Variants in SLC35D4 observed in about 807,000 individuals in gnomAD.
SLC35D4 encodes the protein solute carrier family 35 member D4.
At chr18:23,312,903 G>A in the SLC35D4 span, among the ~76,000 whole-genome samples, 11 of 151,884 alleles carry the variant, frequency 7.2e-5, no homozygotes, top group Admixed American at 2.6e-4. Context: ...CAAGACGGGC[G>A]GATCACGAGG....
At chr18:23,371,544 A>C in the SLC35D4 span, 1 of 1,268,036 alleles carries the variant, frequency 7.9e-7, no homozygotes, top group Admixed American at 2.3e-5. Context: ...GGCCATCAGA[A>C]AACCTGTCAT....
At chr18:23,380,548 C>T in the SLC35D4 span, among the ~76,000 whole-genome samples, 6 of 152,202 alleles carry the variant, frequency 3.9e-5, no homozygotes, top group African/African-American at 1.4e-4. Flanking sequence ...CTGTGCCAGC[C>T]CGAGTGTACA....
At chr18:23,330,923 C>T in the SLC35D4 span, 1 of 152,214 alleles carries the variant, frequency 6.6e-6, no homozygotes, top group Non-Finnish European at 1.5e-5. Context: ...AGAGGAGAGC[C>T]ACCAACGTGA....
At chr18:23,386,451 C>T in the SLC35D4 span, among the ~76,000 whole-genome samples, 1 of 152,090 alleles carries the variant, frequency 6.6e-6, no homozygotes, top group Non-Finnish European at 1.5e-5. Context: ...ACAGATTATC[C>T]CCTAGAGGCT....
At chr18:23,288,554 C>T in the SLC35D4 span, among the ~76,000 whole-genome samples, 17 of 151,636 alleles carry the variant, frequency 1.1e-4, 1 homozygote, top group Middle Eastern at 3.4e-3. Context: ...AGGGATTTGC[C>T]CCCCCGCCCC....
chr18:23,287,862 A>G, the SLC35D4 span, among the ~76,000 whole-genome samples: 1 of 152,282 alleles, frequency 6.6e-6, no homozygotes, highest in Non-Finnish European at 1.5e-5. Context: ...TTTTTGTCCA[A>G]ACAACTTGAC....
At chr18:23,331,651 A>G in the SLC35D4 span, 1 of 153,112 alleles carries the variant, frequency 6.5e-6, no homozygotes, top group Admixed American at 6.6e-5. Flanking sequence ...ATTTATACCC[A>G]TTAGCACCCA....
At chr18:23,309,690 T>C in the SLC35D4 span, 1 of 1,614,014 alleles carries the variant, frequency 6.2e-7, no homozygotes, top group Admixed American at 1.7e-5. Flanking sequence ...CATCCCGTGG[T>C]TGCACTGGTC....
At chr18:23,430,271 G>T in the SLC35D4 span, among the ~76,000 whole-genome samples, 1 of 151,310 alleles carries the variant, frequency 6.6e-6, no homozygotes, top group Non-Finnish European at 1.5e-5. Context: ...ACAGTGTCTT[G>T]CTATGTTGCC....
At chr18:23,267,611 G>A in the SLC35D4 span, among the ~76,000 whole-genome samples, 5 of 152,200 alleles carry the variant, frequency 3.3e-5, no homozygotes, top group Admixed American at 2.0e-4. Flanking sequence ...CTGCACTGTC[G>A]GCCCTCAGCC....
the SLC35D4 span, among the ~76,000 whole-genome samples, chr18:23,266,406 C>CAAAAAAA: frequency 1.9e-5 from 2 of 103,732 alleles, no homozygotes; most frequent in Non-Finnish European, 2.1e-5. Context: ...TAATTCTTAG[C>CAAAAAAA]AAAAAAAAAA....
the SLC35D4 span, among the ~76,000 whole-genome samples, chr18:23,270,514 A>G: frequency 6.6e-6 from 1 of 152,222 alleles, no homozygotes; most frequent in Non-Finnish European, 1.5e-5. Flanking sequence ...ACCATCTTCC[A>G]GACCCCAGAA....
the SLC35D4 span, among the ~76,000 whole-genome samples, chr18:23,429,724 C>T: frequency 1.2e-4 from 18 of 152,084 alleles, no homozygotes; most frequent in African/African-American, 4.3e-4. Context: ...GAGGTGGTAT[C>T]TCATTGTGGT....
chr18:23,275,594 G>GTGCTGTGCTGTGCTA, the SLC35D4 span, among the ~76,000 whole-genome samples: 61 of 21,720 alleles, frequency 2.8e-3, no homozygotes, highest in African/African-American at 0.016. Context: ...GTCAGAAAGA[G>GTGCTGTGCTGTGCTA]TGCTGTGCTG....
the SLC35D4 span, chr18:23,421,405 G>A: frequency 3.1e-6 from 5 of 1,613,906 alleles, no homozygotes; most frequent in African/African-American, 5.3e-5. Flanking sequence ...CCAGTTTCCA[G>A]GACACATGAA....
the SLC35D4 span, among the ~76,000 whole-genome samples, chr18:23,241,516 G>A: frequency 2.6e-5 from 4 of 152,094 alleles, no homozygotes; most frequent in South Asian, 2.1e-4. Flanking sequence ...GGCGACAAGC[G>A]AAACTACGTC....
chr18:23,430,217 C>T, the SLC35D4 span, among the ~76,000 whole-genome samples: 5 of 147,562 alleles, frequency 3.4e-5, no homozygotes, highest in Admixed American at 2.1e-4. Context: ...TTTCATTTTT[C>T]TGCATATGGT....
At chr18:23,253,127 A>G in the SLC35D4 span, 1 of 928,060 alleles carries the variant, frequency 1.1e-6, no homozygotes. Context: ...CACACACCGT[A>G]AGCTTGTCAT....
At chr18:23,432,705 A>G in the SLC35D4 span, among the ~76,000 whole-genome samples, 6 of 150,952 alleles carry the variant, frequency 4.0e-5, no homozygotes, top group African/African-American at 1.5e-4. Flanking sequence ...AAAGAAAGAG[A>G]AGGAGCAATT....
Sources: allele counts gnomAD v4.1 joint callset (sites outside exome capture counted in the v4.1 genomes callset), GRCh38; gene constraint gnomAD v4.1.1; transcripts MANE v1.5; gene names NCBI Gene and HGNC (gene_info 2026-07-23, HGNC 2026-07-21).